The following NRXN3 variants were observed in gnomAD, a reference collection of about 807,000 sequenced individuals.
NRXN3 encodes neurexin III.
NRXN3 carries 32 observed loss-of-function variants against 137.6 expected under a neutral mutation model. That is an observed-to-expected ratio of 0.23 (90% CI 0.18 to 0.31). NRXN3 has a LOEUF of 0.31. Among genes scored for constraint, NRXN3 ranks in the 10% least tolerant of loss-of-function variants. The probability of loss-of-function intolerance (pLI) is 1.00; values close to 1 mark genes in which losing one functional copy is unlikely to be tolerated. For synonymous variants in NRXN3, 798 were observed against 784.5 expected (o/e 1.02, Z -0.29); for missense variants, 1,574 against 2,062.5 (o/e 0.76, Z 4.59).
At chr14:78,742,711 A>G (rs7161313) in intron 8 of NRXN3, among the ~76,000 whole-genome samples, 72,292 of 152,076 alleles carry the variant, frequency 0.48, 20,923 homozygotes, top group Admixed American at 0.65. Flanking sequence ...ATGAAAGCCT[A>G]TTTTAACTAT....
intron 4 of NRXN3, among the ~76,000 whole-genome samples, chr14:78,524,725 C>T (rs1395466463): frequency 6.6e-6 from 1 of 152,094 alleles, no homozygotes; most frequent in African/African-American, 2.4e-5. Context: ...GAAAAAGATA[C>T]CTTCAACCTC....
chr14:78,838,456 C>A (rs187799427), intron 10 of NRXN3, among the ~76,000 whole-genome samples: 1 of 152,210 alleles, frequency 6.6e-6, no homozygotes, highest in African/African-American at 2.4e-5. Context: ...TAATAGCTGC[C>A]ATTTCTGGAG....
chr14:78,975,218 G>A (rs2099460530), intron 14 of NRXN3, among the ~76,000 whole-genome samples: 2 of 152,098 alleles, frequency 1.3e-5, no homozygotes, highest in African/African-American at 4.8e-5. Flanking sequence ...AGAGACATGC[G>A]TCCTGCCATG....
chr14:78,648,525 A>AT (rs1007033452), intron 5 of NRXN3, among the ~76,000 whole-genome samples: 107 of 152,180 alleles, frequency 7.0e-4, no homozygotes, highest in Admixed American at 1.3e-3. Flanking sequence ...GAAGATTCTA[A>AT]TTTTTTTTGA....
At chr14:79,794,581 G>A (rs1188187605) in intron 19 of NRXN3, among the ~76,000 whole-genome samples, 4 of 152,092 alleles carry the variant, frequency 2.6e-5, no homozygotes, top group Non-Finnish European at 5.9e-5. Flanking sequence ...AGCTCCTGGG[G>A]ATGTCAGTGT....
chr14:79,503,497 C>G (rs2096844627), intron 16 of NRXN3, among the ~76,000 whole-genome samples: 1 of 152,122 alleles, frequency 6.6e-6, no homozygotes, highest in African/African-American at 2.4e-5. Context: ...TGTTCCTTGG[C>G]CAGAAATGCC....
chr14:78,497,725 G>A (rs1430761587), intron 4 of NRXN3, among the ~76,000 whole-genome samples: 1 of 152,088 alleles, frequency 6.6e-6, no homozygotes, highest in African/African-American at 2.4e-5. Context: ...ATATTTCATG[G>A]TTAGATATAT....
At chr14:79,228,646 A>G (rs2071531922) in intron 15 of NRXN3, among the ~76,000 whole-genome samples, 1 of 152,130 alleles carries the variant, frequency 6.6e-6, no homozygotes, top group Non-Finnish European at 1.5e-5. Flanking sequence ...GAGAGAGAAA[A>G]GGGTATATTT....
chr14:78,482,958 G>A (rs1258679237), intron 4 of NRXN3, among the ~76,000 whole-genome samples: 2 of 152,130 alleles, frequency 1.3e-5, no homozygotes, highest in East Asian at 3.9e-4. Flanking sequence ...GCCTGTCTTT[G>A]ATGTGTTCTA....
intron 4 of NRXN3, among the ~76,000 whole-genome samples, chr14:78,597,250 T>C (rs977449295): frequency 1.3e-5 from 2 of 152,174 alleles, no homozygotes; most frequent in Admixed American, 6.5e-5. Flanking sequence ...TTTAAAAATA[T>C]GTAGATGAGC....
At chr14:78,622,720 A>G (rs1245755431) in intron 4 of NRXN3, among the ~76,000 whole-genome samples, 1 of 152,258 alleles carries the variant, frequency 6.6e-6, no homozygotes, top group Non-Finnish European at 1.5e-5. Context: ...AGGGTTAGCA[A>G]GTGATTTTCC....
chr14:78,491,327 C>G (rs117403048), intron 4 of NRXN3, among the ~76,000 whole-genome samples: 1 of 152,094 alleles, frequency 6.6e-6, no homozygotes, highest in African/African-American at 2.4e-5. Flanking sequence ...CAAGTCCTTC[C>G]TGCCACTACC....
At chr14:78,966,648 T>C (rs2099417898) in intron 12 of NRXN3, among the ~76,000 whole-genome samples, 1 of 152,224 alleles carries the variant, frequency 6.6e-6, no homozygotes, top group Non-Finnish European at 1.5e-5. Flanking sequence ...CTATGAAATG[T>C]AGCCCTTTAA....
chr14:79,334,891 C>G (rs889592519), intron 15 of NRXN3, among the ~76,000 whole-genome samples: 1 of 152,086 alleles, frequency 6.6e-6, no homozygotes, highest in Non-Finnish European at 1.5e-5. Context: ...TTTATAAGCT[C>G]ATATAAAATA....
intron 19 of NRXN3, among the ~76,000 whole-genome samples, chr14:79,728,794 G>A (rs1443251222): frequency 6.6e-6 from 1 of 152,212 alleles, no homozygotes; most frequent in Non-Finnish European, 1.5e-5. Context: ...GGGGAAGTAA[G>A]TTCTTCATTT....
intron 20 of NRXN3, among the ~76,000 whole-genome samples, chr14:79,818,198 T>C (rs994450424): frequency 3.3e-5 from 5 of 151,792 alleles, no homozygotes; most frequent in African/African-American, 4.8e-5. Context: ...GGACTACAGG[T>C]GCCCGCCACC....
intron 16 of NRXN3, among the ~76,000 whole-genome samples, chr14:79,556,506 C>T (rs2097431080): frequency 6.6e-6 from 1 of 152,098 alleles, no homozygotes; most frequent in Admixed American, 6.6e-5. Flanking sequence ...TCCTCTTTTT[C>T]CCACTCCCCT....
At chr14:78,330,337 C>T (rs890176405) in intron 4 of NRXN3, among the ~76,000 whole-genome samples, 1 of 152,032 alleles carries the variant, frequency 6.6e-6, no homozygotes, top group Non-Finnish European at 1.5e-5. Context: ...CACTCCCACC[C>T]CCATTCTCTT....
At chr14:78,810,248 G>A (rs375212201) in intron 9 of NRXN3, 70 bp from the exon 10 acceptor site, 1 of 934,698 alleles carries the variant, frequency 1.1e-6, no homozygotes, top group African/African-American at 1.7e-5. Context: ...TGGACTGATT[G>A]TTTTTGGATG....
Sources: gnomAD v4.1 joint callset for allele counts (sites outside exome capture counted in the v4.1 genomes callset) on GRCh38, gnomAD v4.1.1 for gene constraint, MANE v1.5 for transcripts, NCBI Gene and HGNC (gene_info 2026-07-23, HGNC 2026-07-21) for gene names.